The following COL5A3 variants were observed in gnomAD, a reference collection of about 807,000 sequenced individuals.
COL5A3 encodes the protein collagen type V alpha 3 chain, also known as collagen alpha-3(V) chain.
Under a neutral mutation model 250.0 loss-of-function variants are expected in COL5A3, and 172 were observed. The observed-to-expected ratio is 0.69, with a 90% CI of 0.61 to 0.78. The LOEUF (loss-of-function observed/expected upper bound fraction) is 0.78. Ranked by LOEUF, COL5A3 falls within the 30% of genes least tolerant of loss-of-function variation. The pLI, the probability that COL5A3 is intolerant of heterozygous loss-of-function variation, is 0.00. For synonymous variants in COL5A3, 937 were observed against 900.4 expected (o/e 1.04, Z -0.73); for missense variants, 2,340 against 2,334.4 (o/e 1.00, Z -0.05).
In COL5A3 at chr19:9,990,223, G is replaced by A. The variant is rs145474558; in HGVS notation, c.1993-701C>T. 4.2e-3 allele frequency among the ~76,000 whole-genome samples: 638 copies of A among 151,580 alleles called. 4 individuals are homozygous for A. The highest frequency in any genetic ancestry group is 0.015 in the African/African-American group (627 of 41,382). On this transcript the variant is annotated intron_variant, in intron 24 of 66. Transcript: ENST00000264828. ...AGCCTGGCCAACATAGTGAAACCCC[G>A]TTTCTACTGAAAATACAAAAATTAG...
At chr19:9,973,662 C>T in intron 49 of COL5A3, 39 bp from the exon 50 acceptor site, 1 of 1,611,402 alleles carries the variant, frequency 6.2e-7, no homozygotes, top group South Asian at 1.1e-5. Flanking sequence ...AGGTCCCATC[C>T]TAGCAGACAG....
chr19:10,007,976 C>T (rs1375516662), intron 1 of COL5A3, among the ~76,000 whole-genome samples: 1 of 151,998 alleles, frequency 6.6e-6, no homozygotes, highest in Non-Finnish European at 1.5e-5. Context: ...CTCTCTCTCT[C>T]TCCACCCGCC....
intron 45 of COL5A3, among the ~76,000 whole-genome samples, chr19:9,975,792 T>C (rs1441610705): frequency 6.6e-6 from 1 of 151,898 alleles, no homozygotes; most frequent in Non-Finnish European, 1.5e-5. Flanking sequence ...TGAGTTCACA[T>C]TGGGTGTCAG....
intron 31 of COL5A3, among the ~76,000 whole-genome samples, chr19:9,983,761 AAAGG>A (rs929944010): frequency 6.6e-6 from 1 of 151,372 alleles, no homozygotes. Flanking sequence ...GGGAGGGAAG[AAAGG>A]AAGGAAGGAA....
chr19:9,970,808 A>T, intron 53 of COL5A3, 133 bp from the exon 54 acceptor site: 1 of 993,142 alleles, frequency 1.0e-6, no homozygotes, highest in South Asian at 2.1e-5. Context: ...CCTCCCACCT[A>T]CTCCCTCAAG....
chr19:10,003,564 C>T lies in COL5A3; in HGVS notation c.849+1G>A. The T allele has an allele frequency of 2.5e-6, 4 of 1,614,108 alleles. No homozygotes were observed. Among genetic ancestry groups the T allele is most frequent in the Non-Finnish European group, 3.4e-6 (4 of 1,179,982 alleles). On this transcript the variant is annotated splice_donor_variant, in intron 6 of 66. Coordinates refer to ENST00000264828, the MANE Select transcript of COL5A3 (RefSeq NM_015719.4). LOFTEE classifies it high-confidence loss of function. ...GAAGTGAGAGGTCTCAGGGCCCTTA[C>T]CTGGTTCTCTGCGGAGTCAGGAGGT... is the stretch of plus-strand genomic sequence containing the variant.
At position 10,009,539 on chromosome 19, in the gene COL5A3, G is replaced by T. The variant is rs1029669671; in HGVS notation, c.88+759C>A. On this transcript the variant is annotated intron_variant, in intron 1 of 66. Coordinates refer to ENST00000264828, the MANE Select transcript of COL5A3 (RefSeq NM_015719.4). The surrounding 1 kb of genome is among the most constrained non-coding windows in gnomAD (Gnocchi z 4.4). ...CCTGCCCCGCCCTGCGCCCCGCCCC[G>T]TCTCGCCCCTCACCGCGGCCCTCCC... 2.0e-5 allele frequency among the ~76,000 whole-genome samples: 3 copies of T among 151,988 alleles called. No individual in the cohort carries two copies. Among genetic ancestry groups the T allele is most frequent in the Non-Finnish European group, 2.9e-5 (2 of 67,970 alleles).
At chr19:9,999,914 G>T (rs982457186) in intron 8 of COL5A3, among the ~76,000 whole-genome samples, 3 of 151,980 alleles carry the variant, frequency 2.0e-5, no homozygotes, top group Non-Finnish European at 4.4e-5. Flanking sequence ...GAACCACCAC[G>T]TTCGATTAAT....
chr19:9,968,520 G>C lies in COL5A3; in HGVS notation c.4207-28C>G. 1 of 1,577,446 alleles carries C rather than the reference G, an allele frequency of 6.3e-7. No individual in the cohort carries two copies. Among genetic ancestry groups the C allele is most frequent in the Non-Finnish European group, 8.6e-7 (1 of 1,163,968 alleles). ...GAAGGACAAAAGAGGCACAGACAGGGGAGGACGTGGGAGGATTCAGGGAGG... is the reference window on the plus strand; with the variant it reads ...GAAGGACAAAAGAGGCACAGACAGGCGAGGACGTGGGAGGATTCAGGGAGG... On this transcript the variant is annotated intron_variant, in intron 58 of 66. Transcript: ENST00000264828. The surrounding 1 kb of genome is among the most constrained non-coding windows in gnomAD (Gnocchi z 4.1).
intron 8 of COL5A3, among the ~76,000 whole-genome samples, chr19:9,998,559 A>C (rs2087306582): frequency 6.6e-6 from 1 of 152,212 alleles, no homozygotes; most frequent in Non-Finnish European, 1.5e-5. Flanking sequence ...TGCTTGGCAC[A>C]CAACAAGCAC....
chr19:9,997,092 G>A (rs2087284735), intron 11 of COL5A3: 1 of 562,242 alleles, frequency 1.8e-6, no homozygotes, highest in South Asian at 2.1e-5. Context: ...AGAGACAGAA[G>A]AGAGACAGAG....
rs139030474 is a variant in COL5A3 at position 9,991,834 on chromosome 19, G to A, written c.1901C>T (p.Pro634Leu). Residue 634 changes from proline (P) to leucine (L), a missense_variant, in exon 23 of 67, where the codon CCA (proline) becomes CTA (leucine). Coordinates refer to ENST00000264828, the MANE Select transcript of COL5A3 (RefSeq NM_015719.4). ...APGAKGNVGP[P>L]GEPGPPGQQG... is the part of the protein sequence containing the mutation. ...CTGTCCCGGAGGGCCTGGTTCTCCT[G>A]GAGGACCCTGGGGAGAAAGTGGGGT... 4.4e-6 allele frequency: 7 copies of A among 1,609,164 alleles called. No individual in the cohort carries two copies. The African/African-American group carries it at 6.7e-5, about 15-fold the overall frequency.
chr19:9,967,403 G>T lies in COL5A3; in HGVS notation c.4405-3C>A. On this transcript the variant is annotated splice_region_variant and splice_polypyrimidine_tract_variant and intron_variant, in intron 61 of 66. Coordinates refer to ENST00000264828, the MANE Select transcript of COL5A3 (RefSeq NM_015719.4). ...TCTCCACGGGGGCCCATGGACCCCT[G>T]TAGGGAGAAGTCACTTGGAGAATGA... 1 of 1,498,692 alleles carries T rather than the reference G, an allele frequency of 6.7e-7. No individual in the cohort carries two copies. Among genetic ancestry groups the T allele is most frequent in the Non-Finnish European group, 8.8e-7 (1 of 1,132,462 alleles). The allele number at this position is 1,498,692 out of a possible 1,614,324, so 92.8% of individuals were successfully genotyped here.
chr19:9,971,888 G>A (rs1341872166), intron 51 of COL5A3, among the ~76,000 whole-genome samples: 1 of 103,584 alleles, frequency 9.7e-6, no homozygotes, highest in Non-Finnish European at 2.0e-5. Flanking sequence ...ACTAATTCAA[G>A]TGTTAGAATG....
chr19:10,010,211 CG>C, intron 1 of COL5A3, 86 bp downstream of exon 1: 9 of 724,718 alleles, frequency 1.2e-5, no homozygotes, highest in African/African-American at 1.8e-5. Context: ...TTCCCCTCCA[CG>C]CCCCTCCACC....
rs115079711 is a variant in COL5A3, at chr19:9,978,157, A to G, written c.3018+417T>C. Among the ~76,000 whole-genome samples the G allele has an allele frequency of 4.9e-3, 740 of 151,938 alleles. 7 individuals are homozygous for G. Among genetic ancestry groups the G allele is most frequent in the African/African-American group, 0.017 (702 of 41,454 alleles). ...ATGGCCAATGCACAGGTAAGTATTT[A>G]CTGGATAAATGATCTCAATGAGGTT... On this transcript the variant is annotated intron_variant, in intron 41 of 66. Transcript: ENST00000264828.
At chr19:9,978,659 C>T (rs1357950689) in intron 40 of COL5A3, 32 bp from the exon 41 acceptor site, 1 of 1,453,622 alleles carries the variant, frequency 6.9e-7, no homozygotes, top group East Asian at 2.4e-5. Context: ...AGTTAAGAGA[C>T]TCCCAAAGGT....
At chr19:9,982,004 CA>C in intron 32 of COL5A3, 60 bp downstream of exon 32, 1 of 1,319,094 alleles carries the variant, frequency 7.6e-7, no homozygotes, top group Middle Eastern at 2.3e-4. Context: ...CAGACACAAC[CA>C]CACATGCTGT....
chr19:9,993,519 G>C (rs1423716593), intron 18 of COL5A3, 86 bp from the exon 19 acceptor site: 12 of 1,572,854 alleles, frequency 7.6e-6, no homozygotes, highest in Admixed American at 1.7e-5. Context: ...GGTGTGAGGA[G>C]GGACACAGGG....
Sources: gnomAD v4.1 joint callset for allele counts (sites outside exome capture counted in the v4.1 genomes callset) on GRCh38, gnomAD v4.1.1 for gene constraint, Gnocchi (gnomAD v3.1) non-coding constraint, MANE v1.5 for transcripts, NCBI Gene and HGNC (gene_info 2026-07-23, HGNC 2026-07-21) for gene names.